The following CTNNA3 variants were observed in gnomAD, a reference collection of about 807,000 sequenced individuals.
CTNNA3 encodes catenin alpha 3, also known as catenin alpha-3.
Under a neutral mutation model 95.7 loss-of-function variants are expected in CTNNA3, and 76 were observed. The ratio of observed to expected loss-of-function variants is 0.79; its 90% CI spans 0.66 to 0.96. CTNNA3 has a LOEUF of 0.96. Ranked by LOEUF, CTNNA3 falls within the 40% of genes least tolerant of loss-of-function variation. The pLI is 0.00. For missense variants in CTNNA3, 1,191 were observed against 1,089.8 expected (o/e 1.09, Z -1.31); for synonymous variants, 431 against 374.4 (o/e 1.15, Z -1.74).
At chr10:66,732,158 G>A (rs796487380) in intron 9 of CTNNA3, among the ~76,000 whole-genome samples, 5 of 152,304 alleles carry the variant, frequency 3.3e-5, no homozygotes, top group African/African-American at 1.2e-4. Context: ...TGGAGAGGTT[G>A]CCCATGCAAC....
intron 10 of CTNNA3, among the ~76,000 whole-genome samples, chr10:66,610,066 T>C (rs117598869): frequency 0.024 from 3,673 of 152,076 alleles, 88 homozygotes; most frequent in South Asian, 0.065. Flanking sequence ...GATGGACACA[T>C]AGAGGGAAAC....
chr10:66,563,349 T>C (rs1019659538), intron 10 of CTNNA3, among the ~76,000 whole-genome samples: 5 of 152,102 alleles, frequency 3.3e-5, no homozygotes, highest in Non-Finnish European at 5.9e-5. Flanking sequence ...GTAATTCTTT[T>C]TATCAAAGAC....
At chr10:65,936,836 A>G (rs2077347477) in intron 17 of CTNNA3, among the ~76,000 whole-genome samples, 1 of 152,076 alleles carries the variant, frequency 6.6e-6, no homozygotes. Flanking sequence ...AATGAAGTAG[A>G]CATGACAATT....
At chr10:66,749,840 A>T (rs1482726964) in intron 9 of CTNNA3, among the ~76,000 whole-genome samples, 1 of 152,228 alleles carries the variant, frequency 6.6e-6, no homozygotes, top group African/African-American at 2.4e-5. Context: ...ACCAGCAATG[A>T]ATGACAATGC....
intron 12 of CTNNA3, among the ~76,000 whole-genome samples, chr10:66,377,630 C>G (rs1428625612): frequency 2.6e-5 from 4 of 151,514 alleles, no homozygotes; most frequent in Non-Finnish European, 2.9e-5. Flanking sequence ...CTAACCAATT[C>G]CTGATAGGAA....
intron 13 of CTNNA3, among the ~76,000 whole-genome samples, chr10:66,199,770 T>TATATATATAC (rs2087209761): frequency 1.6e-4 from 1 of 6,440 alleles, no homozygotes; most frequent in African/African-American, 5.3e-4. Context: ...CCTGGCTATA[T>TATATATATAC]ATATATATAT....
chr10:66,782,558 C>T lies in CTNNA3; in HGVS notation c.1048-7034G>A, dbSNP rs1354577413. On this transcript the variant is annotated intron_variant, in intron 7 of 17. Transcript: ENST00000433211. ...TCATTAATCTCTTCATATATTTCCA[C>T]TATATCTGTGAGACTTTTGTTATCT... Among the ~76,000 whole-genome samples the T allele has an allele frequency of 9.9e-5, 15 of 152,104 alleles. 1 individual carries two copies. The highest frequency in any genetic ancestry group is 9.8e-4 in the Admixed American group (15 of 15,240).
intron 5 of CTNNA3, among the ~76,000 whole-genome samples, chr10:67,511,827 G>C (rs1839641750): frequency 6.6e-6 from 1 of 152,050 alleles, no homozygotes; most frequent in Non-Finnish European, 1.5e-5. Flanking sequence ...TCTGATCCTG[G>C]ACTTTTTTTG....
intron 13 of CTNNA3, among the ~76,000 whole-genome samples, chr10:66,175,187 C>A (rs144838662): frequency 2.0e-5 from 3 of 152,232 alleles, no homozygotes; most frequent in African/African-American, 7.2e-5. Context: ...TGCACACACA[C>A]ACACACTCAC....
chr10:66,765,879 C>G (rs1438258620), intron 9 of CTNNA3, among the ~76,000 whole-genome samples: 2 of 152,088 alleles, frequency 1.3e-5, no homozygotes, highest in African/African-American at 4.8e-5. Context: ...AGTCATGCTA[C>G]ATAGTTAAAT....
At chr10:67,328,723 A>G (rs1192420947) in intron 5 of CTNNA3, among the ~76,000 whole-genome samples, 1 of 152,036 alleles carries the variant, frequency 6.6e-6, no homozygotes, top group Non-Finnish European at 1.5e-5. Context: ...CCCTCTGTCC[A>G]TTCTTAGTGC....
intron 6 of CTNNA3, among the ~76,000 whole-genome samples, chr10:67,211,392 C>A (rs1467995228): frequency 6.6e-6 from 1 of 151,964 alleles, no homozygotes; most frequent in Non-Finnish European, 1.5e-5. Context: ...GTCTAAGAGT[C>A]CCAAGAAGCC....
intron 12 of CTNNA3, among the ~76,000 whole-genome samples, chr10:66,328,546 T>C (rs1034592539): frequency 1.3e-5 from 2 of 148,984 alleles, no homozygotes; most frequent in South Asian, 2.1e-4. Context: ...GACTTGTCCA[T>C]AGAGAAGTCT....
intron 16 of CTNNA3, among the ~76,000 whole-genome samples, chr10:65,976,637 A>C (rs1449303819): frequency 6.6e-6 from 1 of 152,186 alleles, no homozygotes; most frequent in Non-Finnish European, 1.5e-5. Context: ...TACTTATAAA[A>C]GTTATTAAAG....
chr10:67,706,527 T>C (rs1447840484), intron 1 of CTNNA3, among the ~76,000 whole-genome samples: 2 of 151,996 alleles, frequency 1.3e-5, no homozygotes, highest in Non-Finnish European at 2.9e-5. Context: ...CTCTTGAAGA[T>C]ACCAGAGCAG....
intron 7 of CTNNA3, among the ~76,000 whole-genome samples, chr10:66,886,552 T>C (rs1845052615): frequency 6.6e-6 from 1 of 152,208 alleles, no homozygotes; most frequent in Non-Finnish European, 1.5e-5. Context: ...CACTGTTATC[T>C]GCTCATAGAT....
chr10:66,865,773 T>C (rs1332751246), intron 7 of CTNNA3, among the ~76,000 whole-genome samples: 1 of 152,078 alleles, frequency 6.6e-6, no homozygotes, highest in Non-Finnish European at 1.5e-5. Flanking sequence ...GAGAAGATTA[T>C]ATTCTTAAGG....
chr10:66,563,037 A>G (rs1320403278), intron 10 of CTNNA3, among the ~76,000 whole-genome samples: 1 of 152,122 alleles, frequency 6.6e-6, no homozygotes, highest in East Asian at 1.9e-4. Context: ...ATTGCTTTTT[A>G]TGTGTCAGTG....
At chr10:67,586,373 C>T (rs1842627296) in intron 3 of CTNNA3, among the ~76,000 whole-genome samples, 1 of 152,094 alleles carries the variant, frequency 6.6e-6, no homozygotes, top group African/African-American at 2.4e-5. Context: ...TATTGATTCT[C>T]TATCTCAATA....
Sources: allele counts gnomAD v4.1 joint callset (sites outside exome capture counted in the v4.1 genomes callset), GRCh38; gene constraint gnomAD v4.1.1; transcripts MANE v1.5; gene names NCBI Gene and HGNC (gene_info 2026-07-23, HGNC 2026-07-21).